The following ZNF439 variants were observed in gnomAD, a reference collection of about 807,000 sequenced individuals.
ZNF439 encodes the protein zinc finger protein 439.
Under a neutral mutation model 47.3 loss-of-function variants are expected in ZNF439, and 40 were observed. The observed-to-expected ratio is 0.85, with a 90% CI of 0.66 to 1.10. ZNF439 has a LOEUF of 1.10. Among genes scored for constraint, ZNF439 ranks in the 50% least tolerant of loss-of-function variants. The pLI is 0.00. For missense variants in ZNF439, 556 were observed against 601.1 expected (o/e 0.93, Z 0.78); for synonymous variants, 171 against 198.8 (o/e 0.86, Z 1.18).
chr19:11,862,572 C>G (rs1028438991), intron 1 of ZNF439, among the ~76,000 whole-genome samples: 2 of 152,168 alleles, frequency 1.3e-5, no homozygotes, highest in East Asian at 3.9e-4. Context: ...TCCATAAGAC[C>G]GTGCTTATTT....
chr19:11,868,346 A>G lies in ZNF439; in HGVS notation c.1292A>G (p.Gln431Arg). ...GKAFRSAPNLQLHGRTHTGEK... is the reference protein window; with the variant it reads ...GKAFRSAPNLRLHGRTHTGEK... ...GCCTTCAGATCTGCCCCAAATCTTC[A>G]ATTGCATGGTAGGACTCACACTGGA... Residue 431 changes from glutamine to arginine, a missense_variant, in exon 4 of 4, where the codon CAA (glutamine) becomes CGA (arginine). Gln to Arg is a conservative substitution (Grantham distance 43). Transcript: ENST00000682736. 1.2e-6 allele frequency: 2 copies of G among 1,601,574 alleles called. No homozygotes were observed. The highest frequency in any genetic ancestry group is 1.1e-5 in the South Asian group (1 of 90,744).
intron 3 of ZNF439, among the ~76,000 whole-genome samples, chr19:11,867,007 C>T (rs1044954167): frequency 4.6e-5 from 7 of 152,106 alleles, no homozygotes; most frequent in African/African-American, 1.7e-4. Flanking sequence ...CACTGCACTC[C>T]AGGGTGGGCA....
intron 1 of ZNF439, among the ~76,000 whole-genome samples, chr19:11,865,598 T>C (rs1467434230): frequency 6.7e-6 from 1 of 149,646 alleles, no homozygotes; most frequent in African/African-American, 2.5e-5. Flanking sequence ...CTGCTAATGT[T>C]AACTTTTTTC....
chr19:11,851,927 C>T (rs770407581), intron 1 of ZNF439, among the ~76,000 whole-genome samples: 1 of 152,188 alleles, frequency 6.6e-6, no homozygotes, highest in African/African-American at 2.4e-5. Flanking sequence ...GGATTGCAGG[C>T]GTTAGCCAGT....
chr19:11,862,893 C>T (rs2145176088), intron 1 of ZNF439, among the ~76,000 whole-genome samples: 1 of 151,924 alleles, frequency 6.6e-6, no homozygotes, highest in African/African-American at 2.4e-5. Context: ...GGATTACAGG[C>T]ATGTACCGCC....
chr19:11,860,059 G>A (rs1462628294), intron 1 of ZNF439, among the ~76,000 whole-genome samples: 1 of 152,138 alleles, frequency 6.6e-6, no homozygotes, highest in East Asian at 1.9e-4. Context: ...CACATCGAAA[G>A]TGCCTGTCTG....
intron 1 of ZNF439, among the ~76,000 whole-genome samples, chr19:11,861,347 ATCTTT>A (rs1976535318): frequency 6.6e-6 from 1 of 152,074 alleles, no homozygotes; most frequent in Non-Finnish European, 1.5e-5. Context: ...ACACCCTCCT[ATCTTT>A]TCCTGGTTTT....
chr19:11,867,587 T>C lies in ZNF439; in HGVS notation c.533T>C (p.Leu178Ser). 1 of 1,614,110 alleles carries C rather than the reference T, an allele frequency of 6.2e-7. No individual in the cohort carries two copies. Among genetic ancestry groups the C allele is most frequent in the East Asian group, 2.2e-5 (1 of 44,872 alleles). The change falls in exon 4 of 4, where the codon TTG becomes TCG. Residue 178 changes from leucine to serine, a missense_variant. Leu to Ser is a moderately radical substitution (Grantham distance 145). Transcript: ENST00000682736. ...AAAGCCTTCAGATATCACCCCTCCT[T>C]GAGAACACAAGAAAGGGATCACACT... ...PKKAFRYHPSLRTQERDHTGK... is the reference protein window; with the variant it reads ...PKKAFRYHPSSRTQERDHTGK...
rs528136538 is a variant in ZNF439, at chr19:11,851,278, C to T, written c.63+2348C>T. 2.6e-4 allele frequency among the ~76,000 whole-genome samples: 39 copies of T among 152,270 alleles called. No homozygotes were observed. The South Asian group carries it at 6.8e-3, about 27-fold the overall frequency. Reference sequence around the variant, plus strand: ...TGCCTACCTGCATGTGGGCTGACAGCATCACAAAATTTATTACTCTGTTGA... The same window carrying T: ...TGCCTACCTGCATGTGGGCTGACAGTATCACAAAATTTATTACTCTGTTGA... On this transcript the variant is annotated intron_variant, in intron 1 of 3. Coordinates refer to ENST00000682736, the MANE Select transcript of ZNF439 (RefSeq NM_001348719.2).
Position 11,848,906 on chromosome 19 carries a change from C to T in ZNF439, c.39C>T (p.Pro13=). ...CTCACAGGAGCTGTAGAGAGGACCC[C>T]GGTACATCTGAAAGCCGGGAAATGG... ...CFTHRSCRED[P]GTSESREMDP... The change falls in exon 1 of 4, where the codon CCC becomes CCT. Residue 13 remains proline (P), a synonymous_variant. Coordinates refer to ENST00000682736, the MANE Select transcript of ZNF439 (RefSeq NM_001348719.2). 1.9e-6 allele frequency: 3 copies of T among 1,574,144 alleles called. No homozygotes were observed. Among genetic ancestry groups the T allele is most frequent in the Non-Finnish European group, 1.7e-6 (2 of 1,155,112 alleles).
At position 11,868,785 on chromosome 19, in the gene ZNF439, T is replaced by A; in HGVS notation, c.*216T>A. ...CAGATCTGTCAAGAACCTTTCAATT[T>A]ATGAAAGGACACACACTGGAGAGAA... On this transcript the variant is annotated 3_prime_UTR_variant, in exon 4 of 4. Transcript: ENST00000682736. The A allele has an allele frequency of 1.8e-6, 1 of 565,316 alleles. No homozygotes were observed. The highest frequency in any genetic ancestry group is 3.3e-6 in the Non-Finnish European group (1 of 307,386). The allele number at this position is 565,316 out of a possible 1,614,324, so 35.0% of individuals were successfully genotyped here. A position where few individuals can be genotyped will look rare whatever the true frequency, so the allele number is the denominator to read the frequency against.
chr19:11,867,889 G>A lies in ZNF439; in HGVS notation c.835G>A (p.Glu279Lys). ...HIGEKPYECQECGKAFHSPRS... is the reference protein window; with the variant it reads ...HIGEKPYECQKCGKAFHSPRS... ...TGGAGAAAAGCCTTATGAATGTCAGGAATGTGGGAAAGCATTCCATAGTCC... is the reference window on the plus strand; with the variant it reads ...TGGAGAAAAGCCTTATGAATGTCAGAAATGTGGGAAAGCATTCCATAGTCC... Residue 279 changes from glutamate to lysine, a missense_variant, in exon 4 of 4, where the codon GAA becomes AAA. Transcript: ENST00000682736. The A allele has an allele frequency of 6.2e-7, 1 of 1,614,062 alleles. No homozygotes were observed. The highest frequency in any genetic ancestry group is 8.5e-7 in the Non-Finnish European group (1 of 1,179,986).
In ZNF439 at chr19:11,868,243, A is replaced by G. The variant is rs751632741; in HGVS notation, c.1189A>G (p.Thr397Ala). ...YKCKQCGKAF[T>A]RSGSFRYHER... Reference sequence around the variant, plus strand: ...ATGCAAGCAATGTGGTAAAGCCTTCACTCGTTCCGGTTCCTTTCGATATCA... The same window carrying G: ...ATGCAAGCAATGTGGTAAAGCCTTCGCTCGTTCCGGTTCCTTTCGATATCA... The change falls in exon 4 of 4, where the codon ACT becomes GCT. Residue 397 changes from threonine (T) to alanine (A), a missense_variant. Physicochemically the swap from Thr to Ala is moderately conservative, Grantham distance 58. Transcript: ENST00000682736. The G allele has an allele frequency of 6.2e-7, 1 of 1,613,648 alleles. No individual in the cohort carries two copies. The highest frequency in any genetic ancestry group is 1.3e-5 in the African/African-American group (1 of 74,770).
At chr19:11,854,877 A>G (rs1219464517) in intron 1 of ZNF439, among the ~76,000 whole-genome samples, 1 of 152,242 alleles carries the variant, frequency 6.6e-6, no homozygotes, top group Non-Finnish European at 1.5e-5. Context: ...CTTAGCTGCC[A>G]AAAAGACATA....
At chr19:11,855,546 G>A (rs758926090) in intron 1 of ZNF439, among the ~76,000 whole-genome samples, 3 of 152,150 alleles carry the variant, frequency 2.0e-5, no homozygotes, top group Non-Finnish European at 4.4e-5. Flanking sequence ...TGGTATAATT[G>A]ATGACATTGT....
Position 11,868,830 on chromosome 19 carries a change from T to C in ZNF439, c.*261T>C, listed in dbSNP as rs1976790703. 1.9e-6 allele frequency: 1 copy of C among 536,070 alleles called. No individual in the cohort carries two copies. Among genetic ancestry groups the C allele is most frequent in the South Asian group, 2.2e-5 (1 of 44,852 alleles). The allele number at this position is 536,070 out of a possible 1,614,324, so 33.2% of individuals were successfully genotyped here. On this transcript the variant is annotated 3_prime_UTR_variant, in exon 4 of 4. Coordinates refer to ENST00000682736, the MANE Select transcript of ZNF439 (RefSeq NM_001348719.2). ...AGAGAAACCCTATGAATGTAAGAAATGTGGAAAAGCGTTCCATAATTTCTC... is the reference window on the plus strand; with the variant it reads ...AGAGAAACCCTATGAATGTAAGAAACGTGGAAAAGCGTTCCATAATTTCTC...
chr19:11,854,244 GA>G lies in ZNF439; in HGVS notation c.63+5316del, dbSNP rs1266867497. On this transcript the variant is annotated intron_variant, in intron 1 of 3. Transcript: ENST00000682736. ...CTGCACGTACTGAACTGTTTGAATA[GA>G]ACTATGCAAAGTGATGGAGTACATC... is the stretch of plus-strand genomic sequence containing the variant. Among the ~76,000 whole-genome samples, 6 of 152,308 alleles carry G rather than the reference GA, an allele frequency of 3.9e-5. No homozygotes were observed. The East Asian group carries it at 1.2e-3, about 29-fold the overall frequency.
intron 1 of ZNF439, among the ~76,000 whole-genome samples, chr19:11,864,574 G>A (rs1054807689): frequency 2.6e-5 from 4 of 152,118 alleles, no homozygotes; most frequent in African/African-American, 9.7e-5. Context: ...TGGGATTGCA[G>A]GCATAAGCCA....
At chr19:11,854,575 T>C (rs11667128) in intron 1 of ZNF439, among the ~76,000 whole-genome samples, 34,772 of 152,054 alleles carry the variant, frequency 0.23, 4,509 homozygotes, top group Non-Finnish European at 0.3. Context: ...CTGGCCAACA[T>C]GGTGAAACCC....
Sources: gnomAD v4.1 joint callset for allele counts (sites outside exome capture counted in the v4.1 genomes callset) on GRCh38, gnomAD v4.1.1 for gene constraint, MANE v1.5 for transcripts, NCBI Gene and HGNC (gene_info 2026-07-23, HGNC 2026-07-21) for gene names.